Variants in ELMO1 observed in about 807,000 individuals in gnomAD.
ELMO1 encodes the protein engulfment and cell motility 1.
ELMO1 carries 26 observed loss-of-function variants against 98.9 expected under a neutral mutation model. The ratio of observed to expected loss-of-function variants is 0.26; its 90% CI spans 0.19 to 0.36. The LOEUF is 0.36. ELMO1 is among the 10% of genes least tolerant of loss of function. The probability of loss-of-function intolerance (pLI) is 1.00; values close to 1 mark genes in which losing one functional copy is unlikely to be tolerated. For missense variants in ELMO1, 627 were observed against 935.2 expected, an observed-to-expected ratio of 0.67 and a Z score of 4.30; for synonymous variants, 346 against 346.0, an observed-to-expected ratio of 1.00 and a Z score of 0.00.
At chr7:36,942,210 G>A (rs941272192) in intron 16 of ELMO1, among the ~76,000 whole-genome samples, 3 of 152,214 alleles carry the variant, frequency 2.0e-5, no homozygotes, top group East Asian at 1.9e-4. Context: ...ACAACCTGGC[G>A]GATGTGGATC....
intron 14 of ELMO1, among the ~76,000 whole-genome samples, chr7:37,098,383 T>C (rs1463500456): frequency 2.6e-5 from 4 of 152,194 alleles, no homozygotes; most frequent in Non-Finnish European, 4.4e-5. Context: ...GCAAGTGCTA[T>C]GAAAATAAAA....
At chr7:36,884,943 G>A (rs943571410) in intron 18 of ELMO1, among the ~76,000 whole-genome samples, 10 of 152,186 alleles carry the variant, frequency 6.6e-5, no homozygotes, top group Admixed American at 6.5e-5. Context: ...GCAGGCGGTT[G>A]TCCATCCCAG....
intron 1 of ELMO1, among the ~76,000 whole-genome samples, chr7:37,353,848 A>G (rs1801385433): frequency 6.6e-6 from 1 of 152,176 alleles, no homozygotes; most frequent in African/African-American, 2.4e-5. Context: ...AGCGAGACAC[A>G]AAAGTTCTCC....
At chr7:37,314,770 T>C in intron 4 of ELMO1, 80 bp downstream of exon 4, 1 of 1,376,702 alleles carries the variant, frequency 7.3e-7, no homozygotes, top group Non-Finnish European at 1.0e-6. Context: ...CCTGCATGTC[T>C]AGGCCCGAAC....
intron 16 of ELMO1, among the ~76,000 whole-genome samples, chr7:36,934,168 A>C (rs1786295109): frequency 6.6e-6 from 1 of 152,210 alleles, no homozygotes. Context: ...CCATGATAGC[A>C]AGAAACGGAC....
rs191242187 is a variant in ELMO1, at chr7:37,228,211, C to T, written c.550-3181G>A. 7.2e-4 allele frequency among the ~76,000 whole-genome samples: 110 copies of T among 152,326 alleles called. 1 individual carries two copies. Among genetic ancestry groups the T allele is most frequent in the African/African-American group, 2.4e-3 (101 of 41,564 alleles). On this transcript the variant is annotated intron_variant, in intron 8 of 21. Transcript: ENST00000310758. Reference sequence around the variant, plus strand: ...TGATCCAAGTGAATGTAATAACTGTCGTCCTCCAGGGAGCTTGAGACCAAC... The same window carrying T: ...TGATCCAAGTGAATGTAATAACTGTTGTCCTCCAGGGAGCTTGAGACCAAC...
At chr7:37,415,494 C>T (rs1804175702) in intron 1 of ELMO1, among the ~76,000 whole-genome samples, 1 of 152,062 alleles carries the variant, frequency 6.6e-6, no homozygotes, top group South Asian at 2.1e-4. Context: ...AGTTTATTTC[C>T]CCAGTCTCAA....
At chr7:37,250,203 G>A (rs1302019259) in intron 6 of ELMO1, among the ~76,000 whole-genome samples, 4 of 152,130 alleles carry the variant, frequency 2.6e-5, no homozygotes, top group African/African-American at 9.7e-5. Context: ...TATATTAATT[G>A]TACATAATAA....
intron 4 of ELMO1, among the ~76,000 whole-genome samples, chr7:37,293,973 AAG>A (rs1323375507): frequency 1.3e-5 from 2 of 152,084 alleles, no homozygotes; most frequent in Non-Finnish European, 2.9e-5. Context: ...TATTTGAACT[AAG>A]AGTTATCAGT....
At chr7:36,905,524 T>C (rs1480443850) in intron 16 of ELMO1, among the ~76,000 whole-genome samples, 1 of 152,218 alleles carries the variant, frequency 6.6e-6, no homozygotes, top group Non-Finnish European at 1.5e-5. Context: ...ATGCTAGGAA[T>C]GGTTAGCAAA....
At chr7:37,314,824 C>T (rs1799071405) in intron 4 of ELMO1, 26 bp downstream of exon 4, 1 of 1,594,912 alleles carries the variant, frequency 6.3e-7, no homozygotes, top group Non-Finnish European at 8.6e-7. Flanking sequence ...ATATGTATCC[C>T]ATATTAAATA....
At chr7:37,170,651 C>T (rs1311161010) in intron 13 of ELMO1, among the ~76,000 whole-genome samples, 2 of 150,880 alleles carry the variant, frequency 1.3e-5, no homozygotes, top group East Asian at 3.9e-4. Context: ...ACTCTGTCAC[C>T]CAGGCAGGAG....
Position 37,052,257 on chromosome 7 carries a change from T to C in ELMO1, c.1301-38822A>G, listed in dbSNP as rs530214525. On this transcript the variant is annotated intron_variant, in intron 15 of 21. Coordinates refer to ENST00000310758, the MANE Select transcript of ELMO1 (RefSeq NM_014800.11). ...CTCCAGACAGGCCAAGTTCATCCGA[T>C]CTCTGCTTTTGTTGTCAAGTTATTC... is the stretch of plus-strand genomic sequence containing the variant. 5.3e-5 allele frequency among the ~76,000 whole-genome samples: 8 copies of C among 152,308 alleles called. No individual in the cohort carries two copies. In the East Asian group the frequency reaches 1.4e-3, roughly 26 times the overall value.
chr7:37,307,255 A>G (rs1798658081), intron 4 of ELMO1, among the ~76,000 whole-genome samples: 1 of 152,224 alleles, frequency 6.6e-6, no homozygotes, highest in African/African-American at 2.4e-5. Flanking sequence ...TGTAGTTCCC[A>G]TAATTCCCAC....
Position 37,211,291 on chromosome 7 carries a change from G to A in ELMO1, c.1086+95C>T, listed in dbSNP as rs766679362. 1.4e-5 allele frequency: 22 copies of A among 1,567,696 alleles called. No homozygotes were observed. In the African/African-American group the frequency reaches 2.6e-4, roughly 18 times the overall value. ...GTGGAAACTATTCCGTAAAGCGCAA[G>A]AGGACCACACGCTCGGAAGAGACAT... On this transcript the variant is annotated intron_variant, in intron 13 of 21. Transcript: ENST00000310758.
intron 1 of ELMO1, among the ~76,000 whole-genome samples, chr7:37,448,326 T>C (rs1272759995): frequency 6.3e-5 from 8 of 127,070 alleles, no homozygotes; most frequent in Admixed American, 3.2e-4. Flanking sequence ...CAGACCCTGG[T>C]CGAAATGTCT....
chr7:37,138,595 CA>C (rs1338908400), intron 13 of ELMO1, among the ~76,000 whole-genome samples: 1 of 151,804 alleles, frequency 6.6e-6, no homozygotes, highest in Non-Finnish European at 1.5e-5. Context: ...AATTTCCAAC[CA>C]AAAAAAGTCC....
chr7:37,234,712 A>G lies in ELMO1; in HGVS notation c.450-1518T>C, dbSNP rs186078890. 4.0e-3 allele frequency among the ~76,000 whole-genome samples: 611 copies of G among 152,322 alleles called. 1 individual carries two copies. Among genetic ancestry groups the G allele is most frequent in the Non-Finnish European group, 6.9e-3 (467 of 68,026 alleles). ...GATGATGATGATGGTAGTGGTAGTC[A>G]CAACTAGCTCAGAGATTTTTGGAGA... On this transcript the variant is annotated intron_variant, in intron 7 of 21. Coordinates refer to ENST00000310758, the MANE Select transcript of ELMO1 (RefSeq NM_014800.11).
chr7:37,328,489 T>C (rs962222856), intron 2 of ELMO1, among the ~76,000 whole-genome samples: 18 of 145,060 alleles, frequency 1.2e-4, no homozygotes, highest in Non-Finnish European at 2.4e-4. Context: ...AATTCCACAA[T>C]CCTTACCCTT....
Sources: gnomAD v4.1 joint callset for allele counts (sites outside exome capture counted in the v4.1 genomes callset) on GRCh38, gnomAD v4.1.1 for gene constraint, MANE v1.5 for transcripts, NCBI Gene and HGNC (gene_info 2026-07-23, HGNC 2026-07-21) for gene names.